The following BBX variants were observed in gnomAD, a reference collection of about 807,000 sequenced individuals.
BBX encodes BBX high mobility group box domain containing.
In BBX, 30 loss-of-function variants were observed where a neutral mutation model predicts 100.2. The ratio of observed to expected loss-of-function variants is 0.30; its 90% CI spans 0.22 to 0.41. The LOEUF is 0.41. Ranked by LOEUF, BBX falls within the 10% of genes least tolerant of loss-of-function variation. BBX has a pLI of 1.00. For synonymous variants in BBX, 376 were observed against 388.1 expected (o/e 0.97, Z 0.37); for missense variants, 1,023 against 1,129.8 (o/e 0.91, Z 1.35).
At chr3:107,560,513 A>G (rs567688830) in intron 2 of BBX, among the ~76,000 whole-genome samples, 3 of 152,312 alleles carry the variant, frequency 2.0e-5, no homozygotes, top group African/African-American at 7.2e-5. Flanking sequence ...TTCAGTTTAG[A>G]TAATTCACAG....
chr3:107,698,027 G>A (rs2060770580), intron 3 of BBX, among the ~76,000 whole-genome samples: 1 of 152,032 alleles, frequency 6.6e-6, no homozygotes, highest in Non-Finnish European at 1.5e-5. Context: ...CGCTTCCCGA[G>A]TGAGGCAATG....
chr3:107,769,211 TAGATAGATAGATAGATAGAC>T lies in BBX; in HGVS notation c.907-3406_907-3387del, dbSNP rs1324309659. On this transcript the variant is annotated intron_variant, in intron 10 of 17. Transcript: ENST00000325805. Reference sequence around the variant, plus strand: ...ATAGATAGATAGATAGATAGATAGATAGATAGATAGATAGATAGACAGATAGATAGGATAGATAGATAATC... The same window carrying T: ...ATAGATAGATAGATAGATAGATAGATAGATAGATAGGATAGATAGATAATC... Among the ~76,000 whole-genome samples the T allele has an allele frequency of 3.6e-3, 486 of 133,570 alleles. 3 individuals are homozygous for T. The highest frequency in any genetic ancestry group is 5.9e-3 in the Non-Finnish European group (355 of 60,174). 87.6% of individuals were successfully genotyped at this position (133,570 alleles called of 152,430 possible).
chr3:107,794,907 T>C (rs2069445450), intron 15 of BBX, among the ~76,000 whole-genome samples: 1 of 152,180 alleles, frequency 6.6e-6, no homozygotes, highest in Non-Finnish European at 1.5e-5. Flanking sequence ...GACGGTCTCT[T>C]ATTGCTACAT....
chr3:107,622,327 GTTTA>G (rs1394255180), intron 2 of BBX, among the ~76,000 whole-genome samples: 1 of 152,136 alleles, frequency 6.6e-6, no homozygotes, highest in East Asian at 1.9e-4. Flanking sequence ...TATATATGCA[GTTTA>G]TTTACCCCTT....
At chr3:107,638,335 G>A (rs996783484) in intron 2 of BBX, among the ~76,000 whole-genome samples, 12 of 152,154 alleles carry the variant, frequency 7.9e-5, no homozygotes, top group Non-Finnish European at 1.0e-4. Flanking sequence ...AATTATAGGC[G>A]TGAGCCATGG....
intron 2 of BBX, among the ~76,000 whole-genome samples, chr3:107,529,317 C>T (rs2047994942): frequency 6.6e-6 from 1 of 152,188 alleles, no homozygotes; most frequent in Admixed American, 6.5e-5. Context: ...AACATTTCAC[C>T]ACTGAGGGTA....
At chr3:107,771,062 C>G (rs1381563544) in intron 10 of BBX, among the ~76,000 whole-genome samples, 1 of 152,154 alleles carries the variant, frequency 6.6e-6, no homozygotes, top group Non-Finnish European at 1.5e-5. Flanking sequence ...AATACTCTTT[C>G]CCTTCTAAGT....
At chr3:107,800,868 G>A (rs1230857371) in intron 16 of BBX, among the ~76,000 whole-genome samples, 2 of 152,174 alleles carry the variant, frequency 1.3e-5, no homozygotes, top group African/African-American at 4.8e-5. Context: ...CTTCTCTTCA[G>A]CTCAGCCTCA....
intron 4 of BBX, chr3:107,716,329 TGA>T (rs1255944257): frequency 6.2e-6 from 2 of 322,834 alleles, no homozygotes; most frequent in African/African-American, 4.2e-5. Flanking sequence ...CACTGTTTAG[TGA>T]GAGAGAAAAA....
chr3:107,795,829 G>T (rs2069592358), intron 15 of BBX, among the ~76,000 whole-genome samples: 1 of 151,996 alleles, frequency 6.6e-6, no homozygotes, highest in Non-Finnish European at 1.5e-5. Context: ...CCCTTTTGCA[G>T]CTGTGCCTTA....
chr3:107,574,493 G>C (rs991285752), intron 2 of BBX, among the ~76,000 whole-genome samples: 2 of 152,060 alleles, frequency 1.3e-5, no homozygotes, highest in African/African-American at 4.8e-5. Flanking sequence ...TGAAGAAGAG[G>C]GATCATGTTA....
In BBX at chr3:107,807,150, T is replaced by C. The variant is rs2071104840; in HGVS notation, c.*1693T>C. The C allele has an allele frequency of 6.6e-6, 1 of 152,098 alleles. No individual in the cohort carries two copies. The highest frequency in any genetic ancestry group is 1.5e-5 in the Non-Finnish European group (1 of 68,026). 9.4% of individuals were successfully genotyped at this position (152,098 alleles called of 1,614,324 possible). A position where few individuals can be genotyped will look rare whatever the true frequency, so the allele number is the denominator to read the frequency against. ...TTCAGTTCCGGTGCTGGAAAATATG[T>C]ACAACATACTAACAGGATTGAAAAA... On this transcript the variant is annotated 3_prime_UTR_variant, in exon 18 of 18. Coordinates refer to ENST00000325805, the MANE Select transcript of BBX (RefSeq NM_001142568.3).
intron 5 of BBX, among the ~76,000 whole-genome samples, chr3:107,724,321 G>A (rs1046270758): frequency 6.6e-6 from 1 of 152,096 alleles, no homozygotes. Context: ...TTTGTCAGAT[G>A]AGTAGATTGC....
intron 10 of BBX, among the ~76,000 whole-genome samples, chr3:107,768,385 G>GA (rs1213711544): frequency 6.6e-6 from 1 of 152,120 alleles, no homozygotes; most frequent in Non-Finnish European, 1.5e-5. Context: ...AAATGGATTA[G>GA]AAAAAACATT....
At chr3:107,792,634 A>G (rs1207170128) in intron 15 of BBX, among the ~76,000 whole-genome samples, 2 of 152,236 alleles carry the variant, frequency 1.3e-5, no homozygotes, top group Non-Finnish European at 2.9e-5. Context: ...CACAGCCTCT[A>G]TGGAATATTC....
intron 2 of BBX, among the ~76,000 whole-genome samples, chr3:107,634,703 T>G (rs2056751531): frequency 6.6e-6 from 1 of 152,230 alleles, no homozygotes; most frequent in Admixed American, 6.5e-5. Flanking sequence ...TAATTGAAGT[T>G]TGCTTTTACT....
chr3:107,717,527 G>A (rs1576480536), intron 5 of BBX, among the ~76,000 whole-genome samples: 1 of 152,238 alleles, frequency 6.6e-6, no homozygotes, highest in East Asian at 1.9e-4. Flanking sequence ...AGTGCTGCAT[G>A]AATATTTAAA....
chr3:107,524,406 C>G (rs1180868893), intron 1 of BBX: 1 of 152,094 alleles, frequency 6.6e-6, no homozygotes, highest in South Asian at 2.1e-4. Context: ...CACTCACCCT[C>G]TGAAATTTAT....
chr3:107,590,370 T>C (rs941284497), intron 2 of BBX, among the ~76,000 whole-genome samples: 2 of 152,210 alleles, frequency 1.3e-5, no homozygotes, highest in African/African-American at 4.8e-5. Context: ...CTCAAACATG[T>C]ATCATTTTTG....
Sources: gnomAD v4.1 joint callset for allele counts (sites outside exome capture counted in the v4.1 genomes callset) on GRCh38, gnomAD v4.1.1 for gene constraint, MANE v1.5 for transcripts, NCBI Gene and HGNC (gene_info 2026-07-23, HGNC 2026-07-21) for gene names.